ADCK1: variants seen among roughly 807,000 people sequenced by gnomAD.
The protein encoded by ADCK1 is aarF domain-containing protein kinase 1.
A neutral mutation model predicts 52.3 loss-of-function variants in ADCK1; 41 were observed. The ratio of observed to expected loss-of-function variants is 0.78; its 90% CI spans 0.61 to 1.02. The LOEUF (loss-of-function observed/expected upper bound fraction) is 1.02. ADCK1 is among the 50% of genes least tolerant of loss of function. ADCK1 has a pLI of 0.00. For missense variants in ADCK1, 658 were observed against 679.5 expected (o/e 0.97, Z 0.35); for synonymous variants, 250 against 274.6 (o/e 0.91, Z 0.89).
chr14:77,920,905 C>T (rs960612275), intron 7 of ADCK1, among the ~76,000 whole-genome samples: 7 of 152,118 alleles, frequency 4.6e-5, no homozygotes, highest in Non-Finnish European at 1.0e-4. Flanking sequence ...CCTCCTGAGC[C>T]TCCCAAAGTG....
At chr14:77,836,474 G>A (rs1195183235) in intron 3 of ADCK1, among the ~76,000 whole-genome samples, 2 of 152,182 alleles carry the variant, frequency 1.3e-5, no homozygotes, top group Non-Finnish European at 2.9e-5. Flanking sequence ...ATGAACAGAC[G>A]GATGGAGTGA....
intron 3 of ADCK1, among the ~76,000 whole-genome samples, chr14:77,831,375 G>A (rs183663506): frequency 2.7e-4 from 41 of 152,270 alleles, no homozygotes; most frequent in Non-Finnish European, 4.9e-4. Context: ...GAAACATAGG[G>A]ATAGAATGTT....
chr14:77,820,292 G>A (rs1402857307), intron 2 of ADCK1, among the ~76,000 whole-genome samples: 1 of 135,042 alleles, frequency 7.4e-6, no homozygotes, highest in Admixed American at 8.4e-5. Flanking sequence ...GGGGTAGCAG[G>A]TTTTATTTTA....
chr14:77,804,480 T>C (rs1387639282), intron 1 of ADCK1, among the ~76,000 whole-genome samples: 1 of 152,158 alleles, frequency 6.6e-6, no homozygotes, highest in African/African-American at 2.4e-5. Flanking sequence ...TCGAGAGTTG[T>C]GTCTGCTTCG....
chr14:77,842,088 C>T (rs532379682), intron 3 of ADCK1, among the ~76,000 whole-genome samples: 1 of 152,020 alleles, frequency 6.6e-6, no homozygotes, highest in East Asian at 1.9e-4. Context: ...GAGATCCTGT[C>T]TCTGTAAAAC....
rs147514523 is a variant in ADCK1 at position 77,859,185 on chromosome 14, A to G, written c.329A>G (p.Glu110Gly). ...LGALDYLLPE[E>G]YTSTLKVLHS... is the part of the protein sequence containing the mutation. Reference sequence around the variant, plus strand: ...GCTCTGGACTACCTGTTGCCAGAGGAGTACACCAGCACGCTGAAGGTACTG... The same window carrying G: ...GCTCTGGACTACCTGTTGCCAGAGGGGTACACCAGCACGCTGAAGGTACTG... Residue 110 changes from glutamate to glycine, a missense_variant, in exon 4 of 11, where the codon GAG (glutamate) becomes GGG (glycine). Glu to Gly is a moderately conservative substitution (Grantham distance 98). Transcript: ENST00000238561. 10 of 1,613,908 alleles carry G rather than the reference A, an allele frequency of 6.2e-6. No individual in the cohort carries two copies. In the African/African-American group the frequency reaches 1.3e-4, roughly 22 times the overall value.
At chr14:77,857,804 A>G (rs565674016) in intron 3 of ADCK1, among the ~76,000 whole-genome samples, 9 of 152,326 alleles carry the variant, frequency 5.9e-5, no homozygotes, top group African/African-American at 9.6e-5. Context: ...TGAAGAGTAT[A>G]AGTCCATCCT....
intron 5 of ADCK1, among the ~76,000 whole-genome samples, 157 bp from the exon 6 acceptor site, chr14:77,898,943 G>A (rs1254471754): frequency 2.0e-5 from 3 of 152,200 alleles, no homozygotes; most frequent in Non-Finnish European, 2.9e-5. Context: ...TTATGGGAGA[G>A]CAGGAGCCTA....
At chr14:77,893,540 G>A (rs2083326786) in intron 5 of ADCK1, among the ~76,000 whole-genome samples, 1 of 151,972 alleles carries the variant, frequency 6.6e-6, no homozygotes, top group African/African-American at 2.4e-5. Flanking sequence ...ATGCACTACT[G>A]GGCCCCAAGG....
At chr14:77,862,677 G>A (rs1272530978) in intron 4 of ADCK1, among the ~76,000 whole-genome samples, 3 of 152,212 alleles carry the variant, frequency 2.0e-5, no homozygotes. Context: ...CAGTGATTCT[G>A]TGCTTCAGCA....
At chr14:77,925,670 CCGT>C (rs765462356) in intron 8 of ADCK1, 91 bp from the exon 9 acceptor site, 2 of 1,267,578 alleles carry the variant, frequency 1.6e-6, no homozygotes, top group African/African-American at 3.0e-5. Flanking sequence ...ACAGTCCTCA[CCGT>C]CGTCTTTTGC....
chr14:77,912,857 G>A (rs187657922), intron 7 of ADCK1, among the ~76,000 whole-genome samples: 15 of 152,274 alleles, frequency 9.9e-5, no homozygotes, highest in Admixed American at 1.3e-4. Flanking sequence ...GTCCCACTCG[G>A]CCCAATAGAC....
chr14:77,863,882 A>G (rs1246802128), intron 4 of ADCK1, among the ~76,000 whole-genome samples: 1 of 152,070 alleles, frequency 6.6e-6, no homozygotes, highest in Non-Finnish European at 1.5e-5. Context: ...CCTAGAATAT[A>G]GTTATATCAG....
At chr14:77,807,035 TCTC>T (rs1485518345) in intron 1 of ADCK1, among the ~76,000 whole-genome samples, 1 of 126,842 alleles carries the variant, frequency 7.9e-6, no homozygotes, top group Non-Finnish European at 1.6e-5. Flanking sequence ...ACTCTCTCTC[TCTC>T]TTTTTTTTTT....
chr14:77,812,513 A>G (rs2081356693), intron 1 of ADCK1, among the ~76,000 whole-genome samples: 1 of 152,118 alleles, frequency 6.6e-6, no homozygotes, highest in African/African-American at 2.4e-5. Context: ...GTGTATATAT[A>G]TATATTTCAC....
At chr14:77,813,406 G>T (rs1391166891) in intron 1 of ADCK1, among the ~76,000 whole-genome samples, 4 of 152,118 alleles carry the variant, frequency 2.6e-5, no homozygotes, top group Non-Finnish European at 5.9e-5. Flanking sequence ...CGTCTCCTGG[G>T]TTCAAGCAAT....
intron 4 of ADCK1, among the ~76,000 whole-genome samples, chr14:77,871,143 T>A (rs970196270): frequency 6.6e-6 from 1 of 152,110 alleles, no homozygotes; most frequent in Admixed American, 6.5e-5. Flanking sequence ...GTAAAAGTGA[T>A]GTTGTGGGAT....
intron 4 of ADCK1, among the ~76,000 whole-genome samples, chr14:77,866,488 C>T (rs1009001548): frequency 2.6e-5 from 4 of 152,154 alleles, no homozygotes; most frequent in Non-Finnish European, 4.4e-5. Flanking sequence ...CTGTCTCCCA[C>T]TTTGGGGGGT....
At chr14:77,912,651 C>T (rs765695479) in intron 7 of ADCK1, among the ~76,000 whole-genome samples, 6 of 151,970 alleles carry the variant, frequency 3.9e-5, no homozygotes, top group Admixed American at 6.6e-5. Context: ...GTGACAGGGG[C>T]GAAAGTCTTA....
Sources: allele counts gnomAD v4.1 joint callset (sites outside exome capture counted in the v4.1 genomes callset), GRCh38; gene constraint gnomAD v4.1.1; transcripts MANE v1.5; gene names NCBI Gene and HGNC (gene_info 2026-07-23, HGNC 2026-07-21).